Variants in UGT1A4 observed in about 807,000 individuals in gnomAD.
UGT1A4 encodes UDP glucuronosyltransferase family 1 member A4, also known as UDP-glucuronosyltransferase 1A4.
A neutral mutation model predicts 41.1 loss-of-function variants in UGT1A4; 32 were observed. That is an observed-to-expected ratio of 0.78 (90% confidence interval 0.59 to 1.05). UGT1A4 has a LOEUF of 1.05. UGT1A4 is among the 50% of genes least tolerant of loss of function. UGT1A4 has a pLI of 0.00. For synonymous variants in UGT1A4, 283 were observed against 265.1 expected (o/e 1.07, Z -0.66); for missense variants, 748 against 677.4 (o/e 1.10, Z -1.16).
chr2:233,729,080 A>T lies in UGT1A4; in HGVS notation c.867+9393A>T, dbSNP rs1488435672. 6 of 1,612,076 alleles carry T rather than the reference A, an allele frequency of 3.7e-6. No homozygotes were observed. In the African/African-American group the frequency reaches 8.0e-5, roughly 22 times the overall value. On this transcript the variant is annotated intron_variant, in intron 1 of 4. Transcript: ENST00000373409. Reference sequence around the variant, plus strand: ...TTAAGATGAAGAAAGCAAATGTAGCAGGCACAGCGTGGGGTGGACAGTCAG... The same window carrying T: ...TTAAGATGAAGAAAGCAAATGTAGCTGGCACAGCGTGGGGTGGACAGTCAG...
intron 1 of UGT1A4, chr2:233,741,740 C>T (rs1158976781): frequency 6.6e-6 from 1 of 151,864 alleles, no homozygotes; most frequent in Non-Finnish European, 1.5e-5. Flanking sequence ...CCATATCACA[C>T]TCTTTGTTGG....
At chr2:233,739,701 C>T (rs1691179218) in intron 1 of UGT1A4, among the ~76,000 whole-genome samples, 1 of 152,172 alleles carries the variant, frequency 6.6e-6, no homozygotes, top group Non-Finnish European at 1.5e-5. Flanking sequence ...ATTTTACAGG[C>T]TCATGGGGGA....
chr2:233,724,971 C>T (rs1371769482), intron 1 of UGT1A4, among the ~76,000 whole-genome samples: 9 of 135,368 alleles, frequency 6.6e-5, no homozygotes, highest in African/African-American at 2.7e-4. Context: ...CCGAGGTTGG[C>T]GGATCACTCG....
rs1042640 is a variant in UGT1A4 at position 233,772,898 on chromosome 2, G to T, written c.*339G>T. 1 of 456,718 alleles carries T rather than the reference G, an allele frequency of 2.2e-6. No individual in the cohort carries two copies. The highest frequency in any genetic ancestry group is 5.9e-5 in the East Asian group (1 of 16,920). The allele number at this position is 456,718 out of a possible 1,614,324, so 28.3% of individuals were successfully genotyped here. Reference sequence around the variant, plus strand: ...GTGCGGGATTCAAAGGTGGTCCCACGGCTGCCCCTACTGCAAATGGCAGTT... The same window carrying T: ...GTGCGGGATTCAAAGGTGGTCCCACTGCTGCCCCTACTGCAAATGGCAGTT... On this transcript the variant is annotated 3_prime_UTR_variant, in exon 5 of 5. Coordinates refer to ENST00000373409, the MANE Select transcript of UGT1A4 (RefSeq NM_007120.3).
intron 1 of UGT1A4, chr2:233,742,002 T>G (rs999682670): frequency 2.6e-5 from 4 of 151,956 alleles, no homozygotes; most frequent in African/African-American, 9.7e-5. Context: ...ACAGATACAC[T>G]TGGCTTTCAT....
intron 1 of UGT1A4, among the ~76,000 whole-genome samples, chr2:233,762,012 G>T (rs1697937713): frequency 6.6e-6 from 1 of 152,134 alleles, no homozygotes; most frequent in Non-Finnish European, 1.5e-5. Context: ...CCTCCAATGT[G>T]ATTTGTATTT....
Position 233,743,631 on chromosome 2 carries a change from G to T in UGT1A4, c.868-23403G>T, listed in dbSNP as rs1346320649. Reference sequence around the variant, plus strand: ...AAGAACTCCCTGAAGACGTCGGCTGGGTCGCGGAAGCTGAAGACGTACTCG... The same window carrying T: ...AAGAACTCCCTGAAGACGTCGGCTGTGTCGCGGAAGCTGAAGACGTACTCG... On this transcript the variant is annotated intron_variant, in intron 1 of 4. Transcript: ENST00000373409. The T allele has an allele frequency of 2.2e-6, 3 of 1,367,310 alleles. No homozygotes were observed. The East Asian group carries it at 1.4e-4, about 62-fold the overall frequency. 84.7% of individuals were successfully genotyped at this position (1,367,310 alleles called of 1,614,324 possible).
In UGT1A4 at chr2:233,719,617, C is replaced by T. The variant is rs756696112; in HGVS notation, c.797C>T (p.Pro266Leu). The change falls in exon 1 of 5, where the codon CCC becomes CTC. Residue 266 changes from proline (P) to leucine (L), a missense_variant. By Grantham distance (98) the Pro-to-Leu change is moderately conservative. Transcript: ENST00000373409. ...CGAGGGGACTTTGTGATGGACTACC[C>T]CAGGCCGATCATGCCCAACATGGTC... ...LFRGDFVMDY[P>L]RPIMPNMVFI... 9 of 1,614,012 alleles carry T rather than the reference C, an allele frequency of 5.6e-6. No homozygotes were observed. The South Asian group carries it at 9.9e-5, about 18-fold the overall frequency.
chr2:233,751,728 CCTCT>C (rs1694798514), intron 1 of UGT1A4, among the ~76,000 whole-genome samples: 2 of 152,164 alleles, frequency 1.3e-5, no homozygotes, highest in South Asian at 2.1e-4. Flanking sequence ...GTGAACTCTT[CCTCT>C]CTGTTTCTCT....
chr2:233,769,680 T>C lies in UGT1A4; in HGVS notation c.1307+1241T>C. On this transcript the variant is annotated intron_variant, in intron 4 of 4. Transcript: ENST00000373409. The surrounding 1 kb of genome is among the most constrained non-coding windows in gnomAD (Gnocchi z 4.4). The stretch of plus-strand genomic sequence containing the variant: ...CACCTTTGAGGTGCTAATGTGTGTG[T>C]GGTGGCACTGGATAAAAGATCAATG... 1 of 1,566,500 alleles carries C rather than the reference T, an allele frequency of 6.4e-7. No individual in the cohort carries two copies. The highest frequency in any genetic ancestry group is 8.7e-7 in the Non-Finnish European group (1 of 1,155,954).
chr2:233,731,619 C>CT (rs1415396682), intron 1 of UGT1A4, among the ~76,000 whole-genome samples: 1 of 152,134 alleles, frequency 6.6e-6, no homozygotes, highest in Non-Finnish European at 1.5e-5. Context: ...TGAACTCATC[C>CT]TTTTTTATGG....
rs558356938 is a variant in UGT1A4 at position 233,722,599 on chromosome 2, T to C, written c.867+2912T>C. Among the ~76,000 whole-genome samples the C allele has an allele frequency of 1.3e-4, 20 of 152,338 alleles. 1 individual carries two copies. In the South Asian group the frequency reaches 4.1e-3, roughly 32 times the overall value. On this transcript the variant is annotated intron_variant, in intron 1 of 4. Transcript: ENST00000373409. ...AACTTCGTTAGAGGACTATTACACT[T>C]CTTTACATTTGATTTTTCTTAATGA... is the stretch of plus-strand genomic sequence containing the variant.
intron 1 of UGT1A4, among the ~76,000 whole-genome samples, chr2:233,720,810 A>T (rs920812777): frequency 6.6e-6 from 1 of 151,018 alleles, no homozygotes; most frequent in Non-Finnish European, 1.5e-5. Context: ...GGTTTAAGAA[A>T]TTCTCCCACC....
intron 1 of UGT1A4, among the ~76,000 whole-genome samples, chr2:233,724,330 C>T (rs1214568164): frequency 2.8e-4 from 34 of 121,600 alleles, no homozygotes; most frequent in South Asian, 1.2e-3. Context: ...GCTGGCCAGG[C>T]GGGGGGCTGA....
chr2:233,751,343 TTTTGA>T lies in UGT1A4; in HGVS notation c.868-15687_868-15683del, dbSNP rs1694706279. Among the ~76,000 whole-genome samples the T allele has an allele frequency of 2.0e-5, 3 of 150,848 alleles. No homozygotes were observed. In the South Asian group the frequency reaches 6.2e-4, roughly 31 times the overall value. ...ACCCCCATTGTGTCTTGGAAGTTAC[TTTTGA>T]TTTTACAGGCTCATGGGGGAAGGGA... On this transcript the variant is annotated intron_variant, in intron 1 of 4. Coordinates refer to ENST00000373409, the MANE Select transcript of UGT1A4 (RefSeq NM_007120.3).
Position 233,768,377 on chromosome 2 carries a change from T to A in UGT1A4, c.1245T>A (p.Asn415Lys), listed in dbSNP as rs763012065. The change falls in exon 4 of 5, where the codon AAT (asparagine) becomes AAA (lysine). Residue 415 changes from asparagine (N) to lysine (K), a missense_variant. Asn to Lys is a moderately conservative substitution (Grantham distance 94). Transcript: ENST00000373409. The part of the protein sequence containing the change: ...METKGAGVTL[N>K]VLEMTSEDLE... ...CTAAGGGAGCTGGAGTGACCCTGAA[T>A]GTTCTGGAAATGACTTCTGAAGATT... 1 of 1,614,172 alleles carries A rather than the reference T, an allele frequency of 6.2e-7. No individual in the cohort carries two copies. The highest frequency in any genetic ancestry group is 8.5e-7 in the Non-Finnish European group (1 of 1,180,050).
intron 1 of UGT1A4, among the ~76,000 whole-genome samples, chr2:233,724,261 G>C (rs1182689801): frequency 8.1e-5 from 8 of 98,862 alleles, no homozygotes; most frequent in East Asian, 3.8e-4. Context: ...CTCACCTCCC[G>C]GACGGGGCGG....
At chr2:233,743,695 C>T (rs751572797) in intron 1 of UGT1A4, 1 of 1,367,334 alleles carries the variant, frequency 7.3e-7, no homozygotes, top group East Asian at 4.5e-5. Flanking sequence ...TGCAGCCGCC[C>T]TCCGCCCCCG....
intron 1 of UGT1A4, among the ~76,000 whole-genome samples, chr2:233,721,183 C>G (rs1370349767): frequency 6.6e-6 from 1 of 152,146 alleles, no homozygotes; most frequent in East Asian, 1.9e-4. Flanking sequence ...GATCAAACCA[C>G]AAGATATTTG....
Sources: gnomAD v4.1 joint callset for allele counts (sites outside exome capture counted in the v4.1 genomes callset) on GRCh38, gnomAD v4.1.1 for gene constraint, Gnocchi (gnomAD v3.1) non-coding constraint, MANE v1.5 for transcripts, NCBI Gene and HGNC (gene_info 2026-07-23, HGNC 2026-07-21) for gene names.